The following UBASH3B variants were observed in gnomAD, a reference collection of about 807,000 sequenced individuals.
The protein encoded by UBASH3B is ubiquitin-associated and SH3 domain-containing protein B.
UBASH3B carries 37 observed loss-of-function variants against 83.4 expected under a neutral mutation model. The observed-to-expected ratio is 0.44, with a 90% CI of 0.34 to 0.58. UBASH3B has a LOEUF of 0.58. Ranked by LOEUF, UBASH3B falls within the 20% of genes least tolerant of loss-of-function variation. The pLI is 0.01. For synonymous variants in UBASH3B, 304 were observed against 318.3 expected (o/e 0.96, Z 0.48); for missense variants, 657 against 827.2 (o/e 0.79, Z 2.52).
At chr11:122,744,892 TGTGTGTGC>T (rs758936258) in intron 1 of UBASH3B, among the ~76,000 whole-genome samples, 134 of 138,640 alleles carry the variant, frequency 9.7e-4, no homozygotes, top group Non-Finnish European at 1.7e-3. Context: ...TGTGTGTGTG[TGTGTGTGC>T]GCGCGCGCGC....
chr11:122,695,110 C>T (rs1231855639), intron 1 of UBASH3B, among the ~76,000 whole-genome samples: 10 of 151,414 alleles, frequency 6.6e-5, no homozygotes, highest in South Asian at 4.2e-4. Flanking sequence ...ATTACAGGCA[C>T]CTGCTACCAT....
At chr11:122,748,468 C>T (rs1399712466) in intron 1 of UBASH3B, among the ~76,000 whole-genome samples, 2 of 152,192 alleles carry the variant, frequency 1.3e-5, no homozygotes, top group Non-Finnish European at 2.9e-5. Flanking sequence ...GAATTCTCTT[C>T]CTTACTTGCT....
At chr11:122,741,659 A>G (rs1261451148) in intron 1 of UBASH3B, among the ~76,000 whole-genome samples, 1 of 152,094 alleles carries the variant, frequency 6.6e-6, no homozygotes, top group African/African-American at 2.4e-5. Flanking sequence ...GAGAGCACAG[A>G]CCTGTAAGCA....
At chr11:122,734,241 G>C (rs934857848) in intron 1 of UBASH3B, among the ~76,000 whole-genome samples, 1 of 152,194 alleles carries the variant, frequency 6.6e-6, no homozygotes, top group African/African-American at 2.4e-5. Flanking sequence ...TGGTTTTCAT[G>C]AGCACAGAAA....
intron 1 of UBASH3B, among the ~76,000 whole-genome samples, chr11:122,768,908 A>T (rs774763860): frequency 4.3e-4 from 66 of 152,284 alleles, no homozygotes; most frequent in East Asian, 3.3e-3. Context: ...AACGTCTAAA[A>T]CCAACCCCTG....
At chr11:122,754,843 T>C (rs929862494) in intron 1 of UBASH3B, among the ~76,000 whole-genome samples, 4 of 152,148 alleles carry the variant, frequency 2.6e-5, no homozygotes, top group Non-Finnish European at 5.9e-5. Context: ...TCATGACCCC[T>C]GGAAGGTTGG....
chr11:122,688,655 A>T (rs11218757), intron 1 of UBASH3B, among the ~76,000 whole-genome samples: 21,159 of 94,716 alleles, frequency 0.22, 2,833 homozygotes, highest in African/African-American at 0.44. Flanking sequence ...ATTTTATTTT[A>T]TTTTTTTGAG....
intron 1 of UBASH3B, among the ~76,000 whole-genome samples, chr11:122,771,664 A>G (rs113104041): frequency 1.8e-3 from 273 of 151,540 alleles, no homozygotes; most frequent in African/African-American, 6.1e-3. Flanking sequence ...GCCAACAAAA[A>G]TACCAACAGT....
At chr11:122,782,963 T>C in intron 4 of UBASH3B, 90 bp from the exon 5 acceptor site, 1 of 1,457,878 alleles carries the variant, frequency 6.9e-7, no homozygotes, top group South Asian at 1.4e-5. Context: ...GCAGAATTTC[T>C]CAGGGTACCT....
intron 1 of UBASH3B, among the ~76,000 whole-genome samples, chr11:122,703,271 C>CA (rs1424836903): frequency 6.6e-6 from 1 of 151,808 alleles, no homozygotes; most frequent in Non-Finnish European, 1.5e-5. Flanking sequence ...ACTAAAAATA[C>CA]AAAAAATTAG....
At chr11:122,728,063 A>G (rs1439351659) in intron 1 of UBASH3B, among the ~76,000 whole-genome samples, 1 of 152,034 alleles carries the variant, frequency 6.6e-6, no homozygotes, top group Non-Finnish European at 1.5e-5. Context: ...GTCTCAAACT[A>G]CGGGGCTCAA....
intron 5 of UBASH3B, among the ~76,000 whole-genome samples, chr11:122,784,157 G>T (rs1860906768): frequency 6.6e-6 from 1 of 152,018 alleles, no homozygotes; most frequent in Admixed American, 6.6e-5. Flanking sequence ...GGCCAGACTG[G>T]TCTTGATCTC....
chr11:122,733,184 T>C (rs562716651), intron 1 of UBASH3B, among the ~76,000 whole-genome samples: 1 of 152,332 alleles, frequency 6.6e-6, no homozygotes, highest in African/African-American at 2.4e-5. Context: ...CAGCAGAGAA[T>C]GTTTCCCTCC....
chr11:122,782,676 T>C (rs1860875638), intron 4 of UBASH3B: 1 of 166,640 alleles, frequency 6.0e-6, no homozygotes, highest in Non-Finnish European at 1.3e-5. Context: ...CACGCAGCTA[T>C]AAAACATGCT....
chr11:122,657,166 CTTCTT>C, intron 1 of UBASH3B, among the ~76,000 whole-genome samples: 1 of 152,340 alleles, frequency 6.6e-6, no homozygotes, highest in East Asian at 1.9e-4. Context: ...CTGGGCGCAG[CTTCTT>C]TTCATCTTTG....
chr11:122,656,396 A>G (rs1403324982), intron 1 of UBASH3B, among the ~76,000 whole-genome samples, 186 bp downstream of exon 1: 2 of 151,552 alleles, frequency 1.3e-5, no homozygotes, highest in Non-Finnish European at 2.9e-5. Flanking sequence ...GGTGCGGGGG[A>G]AGACGCGGCG....
At chr11:122,781,789 A>G (rs1363765345) in intron 4 of UBASH3B, among the ~76,000 whole-genome samples, 1 of 152,236 alleles carries the variant, frequency 6.6e-6, no homozygotes, top group Non-Finnish European at 1.5e-5. Flanking sequence ...AGATTCATTC[A>G]TGTGCATTTA....
intron 1 of UBASH3B, among the ~76,000 whole-genome samples, chr11:122,725,342 A>AAAAAAAAGAAG (rs71281633): frequency 7.6e-6 from 1 of 130,780 alleles, no homozygotes; most frequent in African/African-American, 2.7e-5. Flanking sequence ...AAAAAAAAAA[A>AAAAAAAAGAAG]AAGAAAAGAA....
At chr11:122,783,536 T>G (rs1415229224) in intron 5 of UBASH3B, among the ~76,000 whole-genome samples, 1 of 152,150 alleles carries the variant, frequency 6.6e-6, no homozygotes, top group East Asian at 1.9e-4. Context: ...TGGAAAATTT[T>G]TAATATTATA....
Sources: allele counts gnomAD v4.1 joint callset (sites outside exome capture counted in the v4.1 genomes callset), GRCh38; gene constraint gnomAD v4.1.1; transcripts MANE v1.5; gene names NCBI Gene and HGNC (gene_info 2026-07-23, HGNC 2026-07-21).